Variants in ZNF469 observed in about 807,000 individuals in gnomAD.
ZNF469 encodes the protein zinc finger protein 469.
Under a neutral mutation model 1.0 loss-of-function variants are expected in ZNF469, and 1 was observed. The ratio of observed to expected loss-of-function variants is 1.00; its 90% CI spans 0.35 to 4.73. ZNF469 has a LOEUF of 4.73. Among genes scored for constraint, ZNF469 ranks in the 30% most tolerant of loss-of-function variants. The pLI, the probability that ZNF469 is intolerant of heterozygous loss-of-function variation, is 0.16. For missense variants in ZNF469, 6,100 were observed against 5,356.3 expected, an observed-to-expected ratio of 1.14 and a Z score of -4.33; for synonymous variants, 2,703 against 2,363.4, an observed-to-expected ratio of 1.14 and a Z score of -4.17.
At chr16:88,384,652 G>A (rs1220379098) in intron 1 of ZNF469, among the ~76,000 whole-genome samples, 1 of 152,208 alleles carries the variant, frequency 6.6e-6, no homozygotes, top group Non-Finnish European at 1.5e-5. Context: ...GAAGGCCAGG[G>A]CCTTCTCAAA....
rs1335154426 is a variant in ZNF469 at position 88,438,736 on chromosome 16, C to A, written c.11266C>A (p.Gln3756Lys). The A allele has an allele frequency of 6.5e-7, 1 of 1,549,960 alleles. No individual in the cohort carries two copies. The highest frequency in any genetic ancestry group is 8.7e-7 in the Non-Finnish European group (1 of 1,146,866). Residue 3756 changes from glutamine (Q) to lysine (K), a missense_variant, in exon 3 of 3, where the codon CAG (glutamine) becomes AAG (lysine). Coordinates refer to ENST00000565624, the MANE Select transcript of ZNF469 (RefSeq NM_001367624.2). ...GGSQPQPASG[Q>K]LQSETATTPA... is the part of the protein sequence containing the mutation. ...CAGCCAGCCCCAGCCAGCCAGCGGG[C>A]AGCTCCAGAGCGAGACAGCCACCAC...
chr16:88,363,273 T>C, the ZNF469 span, among the ~76,000 whole-genome samples: 1 of 152,244 alleles, frequency 6.6e-6, no homozygotes, highest in East Asian at 1.9e-4. Context: ...GTTGTTGTTG[T>C]TTTTACATGT....
chr16:88,434,821 TATAA>T lies in ZNF469; in HGVS notation c.7353_7356del (p.Tyr2451Ter). The T allele has an allele frequency of 6.5e-7, 1 of 1,550,216 alleles. No individual in the cohort carries two copies. The highest frequency in any genetic ancestry group is 8.7e-7 in the Non-Finnish European group (1 of 1,146,966). On this transcript the variant is annotated frameshift_variant, in exon 3 of 3. Transcript: ENST00000565624. LOFTEE classifies it low-confidence loss of function (END_TRUNC). ...AGACCTCAAACAGAGGTCCCGTGGC[TATAA>T]AAAGAAGCCTGCATCTACAGAGAAC...
chr16:88,155,196 G>T, the ZNF469 span, among the ~76,000 whole-genome samples: 1 of 152,206 alleles, frequency 6.6e-6, no homozygotes, highest in East Asian at 1.9e-4. Context: ...GCCATGGAGC[G>T]CAGCTGCAAG....
chr16:88,145,494 G>A, the ZNF469 span, among the ~76,000 whole-genome samples: 3 of 152,250 alleles, frequency 2.0e-5, no homozygotes, highest in African/African-American at 7.2e-5. Context: ...GCTGTTCACC[G>A]GGCCGAGCTG....
chr16:88,270,096 T>C, the ZNF469 span, among the ~76,000 whole-genome samples: 1 of 152,220 alleles, frequency 6.6e-6, no homozygotes, highest in Non-Finnish European at 1.5e-5. Flanking sequence ...CTTTTTTTTC[T>C]TGGAGGTAAA....
At chr16:88,359,368 C>T in the ZNF469 span, among the ~76,000 whole-genome samples, 6 of 151,684 alleles carry the variant, frequency 4.0e-5, no homozygotes, top group African/African-American at 1.2e-4. Flanking sequence ...TGGTATCCTG[C>T]ACGCATTTGC....
At chr16:88,382,588 G>C (rs923715457), upstream of ZNF469, among the ~76,000 whole-genome samples, 3 of 152,210 alleles carry the variant, frequency 2.0e-5, no homozygotes, top group Admixed American at 1.3e-4. Flanking sequence ...GGTGCCAGTC[G>C]GGACATCCCC....
chr16:88,219,956 C>G, the ZNF469 span, among the ~76,000 whole-genome samples: 1 of 152,208 alleles, frequency 6.6e-6, no homozygotes, highest in African/African-American at 2.4e-5. Flanking sequence ...CATTGCTCCC[C>G]TTCCTGGTTC....
Position 88,438,843 on chromosome 16 carries a change from G to T in ZNF469, c.11373G>T (p.Lys3791Asn), listed in dbSNP as rs1906794353. ...PARAQAKSCT[K>N]GPREAGEQGP... ...GAGCCCAAGCCAAGAGCTGCACCAAGGGGCCAAGGGAAGCTGGTGAGCAGG... is the reference window on the plus strand; with the variant it reads ...GAGCCCAAGCCAAGAGCTGCACCAATGGGCCAAGGGAAGCTGGTGAGCAGG... Residue 3791 changes from lysine to asparagine, a missense_variant, in exon 3 of 3, where the codon AAG becomes AAT. By Grantham distance (94) the Lys-to-Asn change is moderately conservative. Coordinates refer to ENST00000565624, the MANE Select transcript of ZNF469 (RefSeq NM_001367624.2). 1.3e-6 allele frequency: 2 copies of T among 1,550,250 alleles called. No individual in the cohort carries two copies. Among genetic ancestry groups the T allele is most frequent in the Admixed American group, 3.9e-5 (2 of 50,982 alleles).
chr16:88,431,477 G>C lies in ZNF469; in HGVS notation c.4007G>C (p.Ser1336Thr). 6.4e-7 allele frequency: 1 copy of C among 1,550,414 alleles called. No homozygotes were observed. The highest frequency in any genetic ancestry group is 1.2e-5 in the South Asian group (1 of 84,066). Residue 1336 changes from serine to threonine, a missense_variant, in exon 3 of 3, where the codon AGT becomes ACT. Physicochemically the swap from Ser to Thr is moderately conservative, Grantham distance 58 (BLOSUM62 1). Coordinates refer to ENST00000565624, the MANE Select transcript of ZNF469 (RefSeq NM_001367624.2). ...CTGGCACCCGTGGCTAACCCCTCAA[G>C]TACCGCCTGCCCCAAACCCAGTGTT... ...EFLAPVANPS[S>T]TACPKPSVLS...
chr16:88,240,243 T>G, the ZNF469 span, among the ~76,000 whole-genome samples: 1 of 152,340 alleles, frequency 6.6e-6, no homozygotes, highest in Non-Finnish European at 1.5e-5. Context: ...TTTCTTTCAC[T>G]TAGCCACAGT....
chr16:88,369,613 A>G, the ZNF469 span, among the ~76,000 whole-genome samples: 4 of 152,214 alleles, frequency 2.6e-5, no homozygotes, highest in Non-Finnish European at 5.9e-5. Flanking sequence ...TGCTAATGTC[A>G]TGAGTCAGGT....
At chr16:88,346,033 C>T in the ZNF469 span, among the ~76,000 whole-genome samples, 10 of 152,174 alleles carry the variant, frequency 6.6e-5, no homozygotes, top group Admixed American at 3.9e-4. Flanking sequence ...GGCTCTGGAC[C>T]GGGTCAGGCT....
the ZNF469 span, among the ~76,000 whole-genome samples, chr16:88,240,057 A>G: frequency 0.012 from 1,855 of 150,504 alleles, 26 homozygotes; most frequent in South Asian, 0.066. Context: ...CCTCCTGCCC[A>G]GAGAAGAGCC....
chr16:88,405,190 C>A (rs1369275121), intron 1 of ZNF469, among the ~76,000 whole-genome samples: 1 of 152,116 alleles, frequency 6.6e-6, no homozygotes, highest in Non-Finnish European at 1.5e-5. Context: ...ACAGGATGGG[C>A]CAGGGCTAGA....
the ZNF469 span, among the ~76,000 whole-genome samples, chr16:88,363,565 C>G: frequency 6.6e-6 from 1 of 152,206 alleles, no homozygotes. Flanking sequence ...AGATTTTTCC[C>G]ATGTTGGTCT....
the ZNF469 span, among the ~76,000 whole-genome samples, chr16:88,139,261 C>CT: frequency 6.6e-6 from 1 of 151,976 alleles, no homozygotes; most frequent in South Asian, 2.1e-4. Context: ...GATCTGAAAT[C>CT]TTTTTGCCCC....
the ZNF469 span, among the ~76,000 whole-genome samples, chr16:88,355,016 A>C: frequency 6.6e-6 from 1 of 152,030 alleles, no homozygotes; most frequent in Non-Finnish European, 1.5e-5. Flanking sequence ...AGAGCACAGC[A>C]CTGTCCCACC....
Sources: allele counts gnomAD v4.1 joint callset (sites outside exome capture counted in the v4.1 genomes callset), GRCh38; gene constraint gnomAD v4.1.1; transcripts MANE v1.5; gene names NCBI Gene and HGNC (gene_info 2026-07-23, HGNC 2026-07-21).